The following MCM5 variants were observed in gnomAD, a reference collection of about 807,000 sequenced individuals.
MCM5 encodes the protein DNA replication licensing factor MCM5.
In MCM5, 46 loss-of-function variants were observed where a neutral mutation model predicts 79.9. That is an observed-to-expected ratio of 0.58 (90% CI 0.45 to 0.74). MCM5 has a LOEUF of 0.74. MCM5 is among the 30% of genes least tolerant of loss of function. The pLI is 0.00. For missense variants in MCM5, 883 were observed against 1,017.0 expected, an observed-to-expected ratio of 0.87 and a Z score of 1.79; for synonymous variants, 404 against 390.5, an observed-to-expected ratio of 1.03 and a Z score of -0.41.
intron 9 of MCM5, among the ~76,000 whole-genome samples, chr22:35,415,312 T>G (rs910884083): frequency 6.6e-6 from 1 of 152,254 alleles, no homozygotes; most frequent in African/African-American, 2.4e-5. Context: ...ATTGAGATAC[T>G]TTACATTCTT....
In MCM5 at chr22:35,406,581, T is replaced by A. The variant is rs1169819899; in HGVS notation, c.452T>A (p.Ile151Asn). 1.3e-5 allele frequency: 21 copies of A among 1,613,812 alleles called. No individual in the cohort carries two copies. Among genetic ancestry groups the A allele is most frequent in the Non-Finnish European group, 1.7e-5 (20 of 1,179,986 alleles). ...GACATGATGTCACACCTGGTGAAGATCCCTGGCATCATCATCGCGGCCTCT... is the reference window on the plus strand; with the variant it reads ...GACATGATGTCACACCTGGTGAAGAACCCTGGCATCATCATCGCGGCCTCT... ...KSDMMSHLVK[I>N]PGIIIAASAV... Residue 151 changes from isoleucine to asparagine, a missense_variant, in exon 5 of 17, where the codon ATC (isoleucine) becomes AAC (asparagine). Ile to Asn is a moderately radical substitution (Grantham distance 149). This residue lies in a region of MCM5 where 455 missense variants were observed against 517.5 expected (regional missense o/e 0.88). Transcript: ENST00000216122.
intron 2 of MCM5, 80 bp downstream of exon 2, chr22:35,400,685 C>G (rs1932019083): frequency 6.9e-7 from 1 of 1,446,428 alleles, no homozygotes; most frequent in South Asian, 1.4e-5. Flanking sequence ...GAGTCCTGGA[C>G]AGTCAGGGCA....
intron 4 of MCM5, among the ~76,000 whole-genome samples, chr22:35,404,201 A>G (rs1932147928): frequency 6.6e-6 from 1 of 152,254 alleles, no homozygotes; most frequent in South Asian, 2.1e-4. Flanking sequence ...CAACTGAAAC[A>G]TCAAAGATCT....
chr22:35,400,555 G>A lies in MCM5; in HGVS notation c.117G>A (p.Leu39=). ...TGCAGAGGCGCTTCAAGGAGTTCCT[G>A]CGGCAGTACCGAGTGGGCACCGACC... ...SQLQRRFKEF[L]RQYRVGTDRT... The change falls in exon 2 of 17, where the codon CTG becomes CTA. Residue 39 remains leucine (L), a synonymous_variant. Coordinates refer to ENST00000216122, the MANE Select transcript of MCM5 (RefSeq NM_006739.4). The A allele has an allele frequency of 6.2e-7, 1 of 1,613,946 alleles. No homozygotes were observed. Among genetic ancestry groups the A allele is most frequent in the Non-Finnish European group, 8.5e-7 (1 of 1,179,952 alleles).
At chr22:35,414,013 C>T in intron 9 of MCM5, 27 bp downstream of exon 9, 1 of 1,523,282 alleles carries the variant, frequency 6.6e-7, no homozygotes, top group South Asian at 1.1e-5. Context: ...ACCTTTGCCA[C>T]CTTGGCTTGC....
the MCM5 span, among the ~76,000 whole-genome samples, chr22:35,441,958 C>T: frequency 6.6e-6 from 1 of 152,072 alleles, no homozygotes; most frequent in Non-Finnish European, 1.5e-5. Flanking sequence ...GGCCAGCCTG[C>T]GTGTTGCAAC....
At chr22:35,429,472 G>A (rs965985774), downstream of MCM5, among the ~76,000 whole-genome samples, 14 of 151,874 alleles carry the variant, frequency 9.2e-5, no homozygotes, top group South Asian at 4.2e-4. Context: ...TGATTGTTCC[G>A]GGCTCTGAGA....
At chr22:35,448,638 C>G in the MCM5 span, among the ~76,000 whole-genome samples, 1 of 152,190 alleles carries the variant, frequency 6.6e-6, no homozygotes, top group Admixed American at 6.5e-5. Flanking sequence ...TGGGAGAAGA[C>G]AGCGATGAGG....
chr22:35,416,517 GTGTGTGTGT>G, intron 11 of MCM5, 112 bp from the exon 12 acceptor site: 1 of 86,018 alleles, frequency 1.2e-5, no homozygotes, highest in Non-Finnish European at 2.1e-5. Context: ...GAATCTGTGT[GTGTGTGTGT>G]GTGTGTGTGT....
chr22:35,402,242 TA>T (rs987027310), intron 2 of MCM5, among the ~76,000 whole-genome samples: 2 of 150,506 alleles, frequency 1.3e-5, no homozygotes, highest in East Asian at 1.9e-4. Flanking sequence ...AGGCTCTATT[TA>T]AAAAAAAACA....
At chr22:35,403,926 C>G (rs1932136965) in intron 4 of MCM5, among the ~76,000 whole-genome samples, 1 of 139,038 alleles carries the variant, frequency 7.2e-6, no homozygotes, top group Non-Finnish European at 1.5e-5. Context: ...GACCCTGGCT[C>G]TCCAAAAAAC....
chr22:35,447,527 C>CA, the MCM5 span, among the ~76,000 whole-genome samples: 1 of 152,156 alleles, frequency 6.6e-6, no homozygotes, highest in Admixed American at 6.5e-5. Flanking sequence ...GGCTGGAGTG[C>CA]AGTGGCACGA....
At chr22:35,440,469 C>T in the MCM5 span, among the ~76,000 whole-genome samples, 1 of 152,190 alleles carries the variant, frequency 6.6e-6, no homozygotes, top group African/African-American at 2.4e-5. Flanking sequence ...CCTGGAATAT[C>T]TTAGGTATGC....
intron 6 of MCM5, chr22:35,410,036 C>T (rs967580434): frequency 6.6e-6 from 1 of 152,578 alleles, no homozygotes; most frequent in African/African-American, 2.4e-5. Flanking sequence ...ATGGTCTTTT[C>T]TGGAGCTGTG....
intron 6 of MCM5, chr22:35,409,756 G>C (rs545715251): frequency 6.6e-6 from 1 of 152,356 alleles, no homozygotes; most frequent in East Asian, 1.9e-4. Flanking sequence ...AACTTCATTA[G>C]TGGCAACAGA....
At chr22:35,423,117 C>A in intron 15 of MCM5, 97 bp from the exon 16 acceptor site, 1 of 1,365,870 alleles carries the variant, frequency 7.3e-7, no homozygotes, top group East Asian at 2.5e-5. Context: ...TCTTCGGGGC[C>A]TGGCTCAGGC....
chr22:35,410,239 C>T (rs951838905), intron 6 of MCM5: 3 of 167,414 alleles, frequency 1.8e-5, no homozygotes, highest in Admixed American at 5.8e-5. Flanking sequence ...TTCAACATCT[C>T]ATTTTGAAAA....
At position 35,408,293 on chromosome 22, in the gene MCM5, G is replaced by A. The variant is rs891259471; in HGVS notation, c.597-115G>A. Reference sequence around the variant, plus strand: ...CCTGGCTTATCTCCAGCTTATTCTGGAGACCCCCATAAATTGCCGCTGGCA... The same window carrying A: ...CCTGGCTTATCTCCAGCTTATTCTGAAGACCCCCATAAATTGCCGCTGGCA... On this transcript the variant is annotated intron_variant, in intron 5 of 16. Transcript: ENST00000216122. 3 of 906,718 alleles carry A rather than the reference G, an allele frequency of 3.3e-6. No homozygotes were observed. In the South Asian group the frequency reaches 5.1e-5, roughly 15 times the overall value. 56.2% of individuals were successfully genotyped at this position (906,718 alleles called of 1,614,324 possible).
At chr22:35,445,213 C>T in the MCM5 span, among the ~76,000 whole-genome samples, 120,335 of 152,126 alleles carry the variant, frequency 0.79, 48,177 homozygotes, top group African/African-American at 0.88. Context: ...CACAGGTGGA[C>T]ACACCTGAGG....
Sources: allele counts gnomAD v4.1 joint callset (sites outside exome capture counted in the v4.1 genomes callset), GRCh38; gene constraint gnomAD v4.1.1; regional missense constraint gnomAD v4.1.1; transcripts MANE v1.5; gene names NCBI Gene and HGNC (gene_info 2026-07-23, HGNC 2026-07-21).